Variants in GRIN2A observed in about 807,000 individuals in gnomAD.
The protein encoded by GRIN2A is glutamate ionotropic receptor NMDA type subunit 2A, also known as glutamate receptor ionotropic, NMDA 2A.
Under a neutral mutation model 113.4 loss-of-function variants are expected in GRIN2A, and 22 were observed. The ratio of observed to expected loss-of-function variants is 0.19; its 90% CI spans 0.14 to 0.28. GRIN2A has a LOEUF of 0.28. GRIN2A is among the 10% of genes least tolerant of loss of function. GRIN2A has a pLI of 1.00. For missense variants in GRIN2A, 1,502 were observed against 1,887.0 expected (o/e 0.80, Z 3.78); for synonymous variants, 827 against 738.4 (o/e 1.12, Z -1.94).
intron 2 of GRIN2A, among the ~76,000 whole-genome samples, chr16:10,080,086 G>C (rs958342055): frequency 6.6e-6 from 1 of 152,180 alleles, no homozygotes; most frequent in Non-Finnish European, 1.5e-5. Context: ...ACCACATACA[G>C]TAAGTGCTTA....
At chr16:9,901,034 A>G (rs1296582318) in intron 3 of GRIN2A, among the ~76,000 whole-genome samples, 3 of 152,224 alleles carry the variant, frequency 2.0e-5, no homozygotes, top group African/African-American at 7.2e-5. Context: ...ATCAATTGAC[A>G]TTCAATTCAA....
chr16:10,017,882 C>A (rs1021199498), intron 2 of GRIN2A, among the ~76,000 whole-genome samples: 3 of 152,192 alleles, frequency 2.0e-5, no homozygotes, highest in African/African-American at 4.8e-5. Context: ...CTTGCCCAAC[C>A]TTAGTCTCAG....
intron 2 of GRIN2A, among the ~76,000 whole-genome samples, chr16:10,032,504 A>G (rs536813273): frequency 1.8e-4 from 27 of 152,294 alleles, no homozygotes; most frequent in Non-Finnish European, 2.8e-4. Context: ...GAATCTTCTC[A>G]TCAAAACAGC....
intron 11 of GRIN2A, among the ~76,000 whole-genome samples, chr16:9,781,864 G>C (rs777567854): frequency 3.3e-5 from 5 of 152,086 alleles, no homozygotes; most frequent in Non-Finnish European, 7.4e-5. Flanking sequence ...ATAATGTAAT[G>C]GTTTCTGGTT....
At chr16:10,140,136 A>C (rs2049294907) in intron 2 of GRIN2A, among the ~76,000 whole-genome samples, 2 of 152,106 alleles carry the variant, frequency 1.3e-5, no homozygotes, top group African/African-American at 4.8e-5. Context: ...AATATATATA[A>C]CTCAGTGTAG....
At position 10,021,340 on chromosome 16, in the gene GRIN2A, A is replaced by C. The variant is rs371886093; in HGVS notation, c.415-82789T>G. 5.9e-5 allele frequency among the ~76,000 whole-genome samples: 9 copies of C among 152,228 alleles called. No homozygotes were observed. In the South Asian group the frequency reaches 1.5e-3, roughly 25 times the overall value. On this transcript the variant is annotated intron_variant, in intron 2 of 12. Transcript: ENST00000330684. ...CCCTCCTGGATGGCCCTGTGAGGGGAATCTACTATTGTTCCCATTTTATAG... is the reference window on the plus strand; with the variant it reads ...CCCTCCTGGATGGCCCTGTGAGGGGCATCTACTATTGTTCCCATTTTATAG...
At chr16:9,817,235 G>T (rs1385517800) in intron 10 of GRIN2A, among the ~76,000 whole-genome samples, 1 of 152,152 alleles carries the variant, frequency 6.6e-6, no homozygotes, top group African/African-American at 2.4e-5. Flanking sequence ...GTTGCACAAT[G>T]AATAGTGTGT....
intron 2 of GRIN2A, among the ~76,000 whole-genome samples, chr16:10,113,247 C>A (rs536614585): frequency 1.4e-3 from 210 of 152,318 alleles, no homozygotes; most frequent in African/African-American, 4.6e-3. Flanking sequence ...CCCCCAGCCC[C>A]CCCAGGAAAT....
At chr16:9,906,524 C>A (rs148928253) in intron 3 of GRIN2A, among the ~76,000 whole-genome samples, 1 of 152,292 alleles carries the variant, frequency 6.6e-6, no homozygotes, top group Non-Finnish European at 1.5e-5. Flanking sequence ...CAATCTCATT[C>A]AAACACATTT....
intron 3 of GRIN2A, among the ~76,000 whole-genome samples, chr16:9,904,078 C>T (rs1162855046): frequency 6.6e-6 from 1 of 152,176 alleles, no homozygotes; most frequent in Non-Finnish European, 1.5e-5. Flanking sequence ...GGTGTTTATA[C>T]CCTTAAGGAA....
intron 2 of GRIN2A, among the ~76,000 whole-genome samples, chr16:10,033,283 A>G (rs2046963728): frequency 1.3e-5 from 2 of 152,188 alleles, no homozygotes; most frequent in South Asian, 4.1e-4. Flanking sequence ...TTTTGTTAAC[A>G]AACACTGTAG....
intron 2 of GRIN2A, among the ~76,000 whole-genome samples, chr16:10,007,776 CAA>C (rs889908043): frequency 1.1e-4 from 16 of 152,194 alleles, no homozygotes; most frequent in African/African-American, 3.6e-4. Context: ...ATGTAAGTGA[CAA>C]GAGGCTGTGT....
chr16:10,116,832 G>A (rs963643354), intron 2 of GRIN2A, among the ~76,000 whole-genome samples: 1 of 152,066 alleles, frequency 6.6e-6, no homozygotes, highest in African/African-American at 2.4e-5. Context: ...AGTTCTGGGG[G>A]GCATTTATTT....
rs568175657 is a variant in GRIN2A at position 10,111,617 on chromosome 16, C to T, written c.414+68381G>A. 9.5e-4 allele frequency: 1,225 copies of T among 1,295,554 alleles called. 20 individuals carry two copies. In the South Asian group the frequency reaches 0.014, roughly 15 times the overall value. The allele number at this position is 1,295,554 out of a possible 1,614,324, so 80.3% of individuals were successfully genotyped here. A position where few individuals can be genotyped will look rare whatever the true frequency, so the allele number is the denominator to read the frequency against. ...GACACTGAGACAGAGGCCGACATGG[C>T]CATCGCGATGGCTCTGATGGGAGGT... On this transcript the variant is annotated intron_variant, in intron 2 of 12. Transcript: ENST00000330684.
At chr16:9,839,958 C>G (rs1328362497) in intron 7 of GRIN2A, among the ~76,000 whole-genome samples, 1 of 152,084 alleles carries the variant, frequency 6.6e-6, no homozygotes, top group Non-Finnish European at 1.5e-5. Flanking sequence ...AACCCCATCT[C>G]TACACAAAAA....
At chr16:10,087,853 ATTT>A (rs376085870) in intron 2 of GRIN2A, among the ~76,000 whole-genome samples, 2 of 108,462 alleles carry the variant, frequency 1.8e-5, no homozygotes, top group African/African-American at 3.6e-5. Flanking sequence ...TGCCCAGCTA[ATTT>A]TTTTTTTTTT....
intron 2 of GRIN2A, among the ~76,000 whole-genome samples, chr16:10,078,730 G>A (rs2047923853): frequency 6.6e-6 from 1 of 152,164 alleles, no homozygotes; most frequent in African/African-American, 2.4e-5. Context: ...AAAGGGCACA[G>A]CCCCCTTCAG....
At chr16:10,149,151 A>G (rs1396982525) in intron 2 of GRIN2A, among the ~76,000 whole-genome samples, 2 of 152,228 alleles carry the variant, frequency 1.3e-5, no homozygotes, top group African/African-American at 2.4e-5. Context: ...AAGATATGGT[A>G]TTTGAATGCA....
Position 9,891,036 on chromosome 16 carries a change from G to A in GRIN2A, c.1072C>T (p.His358Tyr). The change falls in exon 4 of 13, where the codon CAC (histidine) becomes TAC (tyrosine). Residue 358 changes from histidine to tyrosine, a missense_variant. By Grantham distance (83) the His-to-Tyr change is moderately conservative. Around this residue, in one of 7 missense-constraint regions of GRIN2A, gnomAD observed 334 missense variants for 403.0 expected, o/e 0.83. Coordinates refer to ENST00000330684, the MANE Select transcript of GRIN2A (RefSeq NM_001134407.3). ...LSFTEEGYQV[H>Y]PRLVVIVLNK... ...AGCACAATCACCACCAGCCTGGGGTGCACCTGGTAGCCTTCCTCAGTGAAG... is the reference window on the plus strand; with the variant it reads ...AGCACAATCACCACCAGCCTGGGGTACACCTGGTAGCCTTCCTCAGTGAAG... 1 of 1,613,328 alleles carries A rather than the reference G, an allele frequency of 6.2e-7. No individual in the cohort carries two copies. The highest frequency in any genetic ancestry group is 8.5e-7 in the Non-Finnish European group (1 of 1,179,302).
Sources: allele counts gnomAD v4.1 joint callset (sites outside exome capture counted in the v4.1 genomes callset), GRCh38; gene constraint gnomAD v4.1.1; regional missense constraint gnomAD v4.1.1; transcripts MANE v1.5; gene names NCBI Gene and HGNC (gene_info 2026-07-23, HGNC 2026-07-21).